NDST3: variants seen among roughly 807,000 people sequenced by gnomAD.
NDST3 encodes bifunctional heparan sulfate N-deacetylase/N-sulfotransferase 3.
Under a neutral mutation model 96.1 loss-of-function variants are expected in NDST3, and 58 were observed. The ratio of observed to expected loss-of-function variants is 0.60; its 90% CI spans 0.49 to 0.75. The LOEUF (loss-of-function observed/expected upper bound fraction) is 0.75, where lower values mean the gene tolerates loss of function less well. Ranked by LOEUF, NDST3 falls within the 30% of genes least tolerant of loss-of-function variation. The pLI is 0.00. For missense variants in NDST3, 788 were observed against 1,034.2 expected, an observed-to-expected ratio of 0.76 and a Z score of 3.27; for synonymous variants, 333 against 359.7, an observed-to-expected ratio of 0.93 and a Z score of 0.84.
At chr4:118,230,026 T>C (rs1233811818) in intron 8 of NDST3, among the ~76,000 whole-genome samples, 2 of 152,156 alleles carry the variant, frequency 1.3e-5, no homozygotes, top group African/African-American at 4.8e-5. Context: ...ACTACACAGA[T>C]GGAAAAACTA....
rs1017699358 is a variant in NDST3, at chr4:118,084,102, A to G, written c.982-20916A>G. ...AGATGTAATTCAGAGGATACAAAGT[A>G]GTAGATATGTAGCATGAACAAGTCT... On this transcript the variant is annotated intron_variant, in intron 2 of 13. Transcript: ENST00000296499. Among the ~76,000 whole-genome samples the G allele has an allele frequency of 9.2e-5, 14 of 152,332 alleles. No homozygotes were observed. In the East Asian group the frequency reaches 2.5e-3, roughly 27 times the overall value.
chr4:118,199,019 C>A (rs1737888073), intron 6 of NDST3, among the ~76,000 whole-genome samples: 1 of 152,048 alleles, frequency 6.6e-6, no homozygotes, highest in African/African-American at 2.4e-5. Flanking sequence ...TTACCAGATG[C>A]CTTGAGTTAG....
chr4:118,134,217 G>A (rs1732882265), intron 4 of NDST3, among the ~76,000 whole-genome samples: 1 of 152,170 alleles, frequency 6.6e-6, no homozygotes, highest in Non-Finnish European at 1.5e-5. Flanking sequence ...TTCAGGGAAA[G>A]TTTCATGTGA....
chr4:118,071,764 C>T (rs1208190885), intron 2 of NDST3, among the ~76,000 whole-genome samples: 9 of 152,006 alleles, frequency 5.9e-5, no homozygotes, highest in Non-Finnish European at 1.2e-4. Context: ...ATTTATATTC[C>T]TTTGAGTATA....
At chr4:118,066,097 TATTATATAA>T (rs1726305415) in intron 2 of NDST3, among the ~76,000 whole-genome samples, 1 of 43,584 alleles carries the variant, frequency 2.3e-5, no homozygotes, top group Non-Finnish European at 6.4e-5. Context: ...ATATTATATA[TATTATATAA>T]TATATTTTAT....
chr4:118,254,851 A>G lies in NDST3; in HGVS notation c.2503-742A>G, dbSNP rs543062085. ...CTGATAGATGCAGGGTCTGTCCTCA[A>G]TAAACTCATAATTAAATCATATACG... On this transcript the variant is annotated intron_variant, in intron 13 of 13. Transcript: ENST00000296499. 4.1e-4 allele frequency among the ~76,000 whole-genome samples: 63 copies of G among 152,312 alleles called. 1 individual carries two copies. Among genetic ancestry groups the G allele is most frequent in the African/African-American group, 1.4e-3 (58 of 41,592 alleles).
intron 10 of NDST3, among the ~76,000 whole-genome samples, chr4:118,237,840 G>T (rs1740741674): frequency 6.6e-6 from 1 of 152,088 alleles, no homozygotes; most frequent in Admixed American, 6.6e-5. Context: ...TGGGCGTGGT[G>T]GCTCATGCCT....
chr4:118,102,454 A>C (rs962095770), intron 2 of NDST3, among the ~76,000 whole-genome samples: 3 of 152,066 alleles, frequency 2.0e-5, no homozygotes, highest in Admixed American at 6.6e-5. Flanking sequence ...GCACTGACTT[A>C]ATTTATTATA....
At chr4:118,175,911 T>C (rs1016366909) in intron 6 of NDST3, among the ~76,000 whole-genome samples, 1 of 152,116 alleles carries the variant, frequency 6.6e-6, no homozygotes, top group African/African-American at 2.4e-5. Context: ...TGTGTGTCTT[T>C]TTCTCTGTGC....
At chr4:118,231,396 T>C (rs897881635) in intron 8 of NDST3, among the ~76,000 whole-genome samples, 2 of 150,234 alleles carry the variant, frequency 1.3e-5, no homozygotes, top group Admixed American at 1.3e-4. Flanking sequence ...ATATTAATGC[T>C]ATTTAAGTAA....
At chr4:118,077,542 T>C (rs1215782388) in intron 2 of NDST3, among the ~76,000 whole-genome samples, 1 of 152,190 alleles carries the variant, frequency 6.6e-6, no homozygotes, top group Non-Finnish European at 1.5e-5. Context: ...TCACTGGCTT[T>C]ATGCCTGCAT....
intron 6 of NDST3, among the ~76,000 whole-genome samples, chr4:118,196,993 AG>A (rs1288187105): frequency 1.3e-5 from 2 of 149,854 alleles, no homozygotes; most frequent in Admixed American, 1.3e-4. Context: ...CTTCCCTATT[AG>A]TACTGCTTTT....
intron 6 of NDST3, among the ~76,000 whole-genome samples, chr4:118,211,543 C>T (rs1738798141): frequency 6.6e-6 from 1 of 152,104 alleles, no homozygotes; most frequent in Admixed American, 6.6e-5. Context: ...CTTCTTCAAA[C>T]TTTTGAAATT....
intron 6 of NDST3, among the ~76,000 whole-genome samples, chr4:118,171,326 C>T (rs1176130678): frequency 6.6e-6 from 1 of 152,172 alleles, no homozygotes; most frequent in Non-Finnish European, 1.5e-5. Context: ...GTCCCAGTTA[C>T]ACTCAAATTG....
At chr4:118,240,785 A>G (rs1250472997) in intron 11 of NDST3, 91 bp downstream of exon 11, 2 of 1,245,722 alleles carry the variant, frequency 1.6e-6, no homozygotes, top group Non-Finnish European at 1.1e-6. Flanking sequence ...TTGTTAAACT[A>G]TTACTAGTTT....
At chr4:118,213,411 TC>T (rs1218353590) in intron 6 of NDST3, among the ~76,000 whole-genome samples, 1 of 152,098 alleles carries the variant, frequency 6.6e-6, no homozygotes, top group Non-Finnish European at 1.5e-5. Flanking sequence ...TAAAAATTTT[TC>T]CCAGGAATAT....
intron 6 of NDST3, among the ~76,000 whole-genome samples, chr4:118,148,930 T>TA (rs2125913039): frequency 6.6e-6 from 1 of 152,312 alleles, no homozygotes; most frequent in African/African-American, 2.4e-5. Flanking sequence ...TTGATTTTTG[T>TA]ATAAGGTGTA....
intron 12 of NDST3, among the ~76,000 whole-genome samples, chr4:118,249,325 T>G (rs1227930092): frequency 6.6e-6 from 1 of 152,178 alleles, no homozygotes; most frequent in Non-Finnish European, 1.5e-5. Context: ...CAGAATTCAA[T>G]TTTGGAAAAT....
intron 6 of NDST3, among the ~76,000 whole-genome samples, chr4:118,216,501 C>A (rs1161055887): frequency 6.6e-6 from 1 of 152,020 alleles, no homozygotes; most frequent in East Asian, 1.9e-4. Context: ...ATTATTATAT[C>A]CTTTTTGTTT....
Sources: gnomAD v4.1 joint callset for allele counts (sites outside exome capture counted in the v4.1 genomes callset) on GRCh38, gnomAD v4.1.1 for gene constraint, MANE v1.5 for transcripts, NCBI Gene and HGNC (gene_info 2026-07-23, HGNC 2026-07-21) for gene names.